The following PTPRC variants were observed in gnomAD, a reference collection of about 807,000 sequenced individuals.
The protein encoded by PTPRC is receptor-type tyrosine-protein phosphatase C.
In PTPRC, 44 loss-of-function variants were observed where a neutral mutation model predicts 155.9. That is an observed-to-expected ratio of 0.28 (90% CI 0.22 to 0.36). PTPRC has a LOEUF of 0.36. Among genes scored for constraint, PTPRC ranks in the 10% least tolerant of loss-of-function variants. The pLI, the probability that PTPRC is intolerant of heterozygous loss-of-function variation, is 1.00. For synonymous variants in PTPRC, 525 were observed against 533.1 expected (o/e 0.98, Z 0.21); for missense variants, 1,401 against 1,564.6 (o/e 0.90, Z 1.76).
intron 2 of PTPRC, among the ~76,000 whole-genome samples, chr1:198,685,680 T>G (rs1438484609): frequency 6.6e-6 from 1 of 152,094 alleles, no homozygotes; most frequent in Non-Finnish European, 1.5e-5. Flanking sequence ...TATCATGCAT[T>G]GCTAAGAAAG....
intron 2 of PTPRC, among the ~76,000 whole-genome samples, chr1:198,659,983 G>A (rs1272952670): frequency 5.5e-5 from 7 of 127,488 alleles, no homozygotes; most frequent in African/African-American, 1.8e-4. Context: ...TATATAAATA[G>A]ATTATATCTA....
intron 2 of PTPRC, among the ~76,000 whole-genome samples, chr1:198,686,827 A>G (rs1665649431): frequency 6.6e-6 from 1 of 152,214 alleles, no homozygotes; most frequent in Non-Finnish European, 1.5e-5. Context: ...CTTTTAAGTA[A>G]TACAGGAAAT....
intron 23 of PTPRC, among the ~76,000 whole-genome samples, chr1:198,740,566 A>G (rs1654852211): frequency 6.7e-6 from 1 of 148,848 alleles, no homozygotes; most frequent in Admixed American, 6.7e-5. Context: ...TGGGCTTTGC[A>G]GTGAGACTTT....
rs763015753 is a variant in PTPRC, at chr1:198,750,574, A to C, written c.3155A>C (p.Gln1052Pro). 3.7e-6 allele frequency: 6 copies of C among 1,612,634 alleles called. No individual in the cohort carries two copies. Among genetic ancestry groups the C allele is most frequent in the Non-Finnish European group, 5.1e-6 (6 of 1,179,086 alleles). Reference protein sequence around the residue: ...TIGDFWQMIFQRKVKVIVMLT... With the variant: ...TIGDFWQMIFPRKVKVIVMLT... ...GGTGACTTTTGGCAGATGATCTTCC[A>C]AAGAAAAGTCAAAGTTATTGTTATG... The change falls in exon 29 of 33, where the codon CAA (glutamine) becomes CCA (proline). Residue 1052 changes from glutamine (Q) to proline (P), a missense_variant. By Grantham distance (76) the Gln-to-Pro change is moderately conservative (BLOSUM62 -1). Coordinates refer to ENST00000442510, the MANE Select transcript of PTPRC (RefSeq NM_002838.5).
In PTPRC at chr1:198,709,877, T is replaced by C. The variant is rs1241973099; in HGVS notation, c.1171+53T>C. The C allele has an allele frequency of 2.5e-6, 4 of 1,587,386 alleles. No homozygotes were observed. The East Asian group carries it at 6.8e-5, about 27-fold the overall frequency. On this transcript the variant is annotated intron_variant, in intron 11 of 32. Transcript: ENST00000442510. ...AAAATTGCTTCTCTCTTCATGTTCT[T>C]ATAATTATTTGAGAATCATAGGAAA...
In PTPRC at chr1:198,741,991, C is replaced by T. The variant is rs373509702; in HGVS notation, c.2526C>T (p.Ser842=). The T allele has an allele frequency of 1.9e-5, 30 of 1,609,750 alleles. No homozygotes were observed. Among genetic ancestry groups the T allele is most frequent in the Non-Finnish European group, 2.5e-5 (30 of 1,178,202 alleles). The change falls in exon 24 of 33, where the codon AGC becomes AGT. Residue 842 remains serine, a synonymous_variant. Coordinates refer to ENST00000442510, the MANE Select transcript of PTPRC (RefSeq NM_002838.5). ...LKLRRRVNAF[S]NFFSGPIVVH... ...TGAGAAGGAGAGTGAATGCCTTCAGCAATTTCTTCAGTGGTCCCATTGTGG... is the reference window on the plus strand; with the variant it reads ...TGAGAAGGAGAGTGAATGCCTTCAGTAATTTCTTCAGTGGTCCCATTGTGG...
At chr1:198,747,006 G>A (rs576266929) in intron 26 of PTPRC, among the ~76,000 whole-genome samples, 30 of 151,806 alleles carry the variant, frequency 2.0e-4, no homozygotes, top group Admixed American at 1.3e-3. Context: ...ATACACACAC[G>A]TATCTACATG....
At chr1:198,643,737 A>G (rs941236780) in intron 2 of PTPRC, among the ~76,000 whole-genome samples, 10 of 151,918 alleles carry the variant, frequency 6.6e-5, no homozygotes. Context: ...ACACATACCC[A>G]TAGGAGAAAA....
intron 2 of PTPRC, among the ~76,000 whole-genome samples, chr1:198,677,271 A>G (rs1225572558): frequency 6.6e-6 from 1 of 152,222 alleles, no homozygotes; most frequent in African/African-American, 2.4e-5. Context: ...TGAAAGCTCT[A>G]TAATAATTCC....
At chr1:198,749,577 G>A (rs553335027) in intron 28 of PTPRC, 28 bp downstream of exon 28, 6 of 1,599,018 alleles carry the variant, frequency 3.8e-6, no homozygotes, top group East Asian at 4.5e-5. Context: ...CAAAACCCAA[G>A]ATCCAAACAT....
chr1:198,674,256 G>C (rs912251469), intron 2 of PTPRC, among the ~76,000 whole-genome samples: 4 of 152,078 alleles, frequency 2.6e-5, no homozygotes, highest in Non-Finnish European at 5.9e-5. Flanking sequence ...CAGTCACAGA[G>C]ACTCATGAGA....
At chr1:198,728,228 C>T in intron 15 of PTPRC, 112 bp from the exon 16 acceptor site, 13 of 785,644 alleles carry the variant, frequency 1.7e-5, no homozygotes, top group South Asian at 4.2e-5. Flanking sequence ...TTTTTAAAAC[C>T]TCACAATAAA....
At chr1:198,736,342 C>T (rs1654636832) in intron 23 of PTPRC, among the ~76,000 whole-genome samples, 5 of 151,602 alleles carry the variant, frequency 3.3e-5, no homozygotes, top group Admixed American at 3.3e-4. Flanking sequence ...CCCTGCCATA[C>T]CCTTCCAATC....
At chr1:198,673,162 A>G (rs1664743753) in intron 2 of PTPRC, among the ~76,000 whole-genome samples, 1 of 151,964 alleles carries the variant, frequency 6.6e-6, no homozygotes, top group African/African-American at 2.4e-5. Flanking sequence ...CTCTTAACTT[A>G]GACATTACTT....
Position 198,718,140 on chromosome 1 carries a change from T to C in PTPRC, c.1497T>C (p.Asn499=), listed in dbSNP as rs746024902. 2.5e-6 allele frequency: 4 copies of C among 1,613,806 alleles called. No homozygotes were observed. Among genetic ancestry groups the C allele is most frequent in the South Asian group, 1.1e-5 (1 of 91,070 alleles). The change falls in exon 14 of 33, where the codon AAT becomes AAC. Residue 499 remains asparagine (N), a synonymous_variant. Coordinates refer to ENST00000442510, the MANE Select transcript of PTPRC (RefSeq NM_002838.5). Reference sequence around the variant, plus strand: ...TGACTGTCTCCATGACATCAGATAATAGTATGCATGTCAAGTGTAGGCCTC... The same window carrying C: ...TGACTGTCTCCATGACATCAGATAACAGTATGCATGTCAAGTGTAGGCCTC... ...WNMTVSMTSD[N]SMHVKCRPPR...
rs542319079 is a variant in PTPRC, at chr1:198,642,935, T to C, written c.73+3594T>C. ...TTCTTTCTTTCTTTCTTTCTTTCTT[T>C]CTTTCTTTCTTTCTTTCTTTCTTTC... On this transcript the variant is annotated intron_variant, in intron 2 of 32. Coordinates refer to ENST00000442510, the MANE Select transcript of PTPRC (RefSeq NM_002838.5). Among the ~76,000 whole-genome samples, 4 of 149,562 alleles carry C rather than the reference T, an allele frequency of 2.7e-5. No homozygotes were observed. The South Asian group carries it at 8.4e-4, about 32-fold the overall frequency.
intron 20 of PTPRC, among the ~76,000 whole-genome samples, chr1:198,733,140 GTTAA>G (rs1654473793): frequency 6.6e-6 from 1 of 151,648 alleles, no homozygotes; most frequent in Non-Finnish European, 1.5e-5. Context: ...TTATACAAAT[GTTAA>G]TTAATGTATT....
At chr1:198,679,980 C>T (rs955280737) in intron 2 of PTPRC, 7 of 620,452 alleles carry the variant, frequency 1.1e-5, no homozygotes, top group Admixed American at 2.5e-5. Context: ...GCGAGTGCTG[C>T]GGCTGCCCGT....
At chr1:198,740,068 C>T (rs760863818) in intron 23 of PTPRC, among the ~76,000 whole-genome samples, 1 of 151,426 alleles carries the variant, frequency 6.6e-6, no homozygotes, top group South Asian at 2.1e-4. Flanking sequence ...ACAGTGAAAG[C>T]AGTACTAAGA....
Sources: allele counts gnomAD v4.1 joint callset (sites outside exome capture counted in the v4.1 genomes callset), GRCh38; gene constraint gnomAD v4.1.1; transcripts MANE v1.5; gene names NCBI Gene and HGNC (gene_info 2026-07-23, HGNC 2026-07-21).